The following COLEC12 variants were observed in gnomAD, a reference collection of about 807,000 sequenced individuals.
The protein encoded by COLEC12 is collectin subfamily member 12.
A neutral mutation model predicts 71.1 loss-of-function variants in COLEC12; 33 were observed. The observed-to-expected ratio is 0.46, with a 90% CI of 0.35 to 0.62. The LOEUF (loss-of-function observed/expected upper bound fraction) is 0.62. COLEC12 is among the 20% of genes least tolerant of loss of function. COLEC12 has a pLI of 0.00. For missense variants in COLEC12, 765 were observed against 916.1 expected (o/e 0.84, Z 2.13); for synonymous variants, 350 against 353.0 (o/e 0.99, Z 0.10).
chr18:456,434 T>G (rs1916873309), intron 2 of COLEC12, among the ~76,000 whole-genome samples: 1 of 152,094 alleles, frequency 6.6e-6, no homozygotes, highest in Non-Finnish European at 1.5e-5. Context: ...ATGAGACGCT[T>G]TACACAAGGA....
At chr18:473,385 C>T (rs1291649415) in intron 2 of COLEC12, among the ~76,000 whole-genome samples, 4 of 125,842 alleles carry the variant, frequency 3.2e-5, no homozygotes, top group Non-Finnish European at 5.4e-5. Flanking sequence ...TTTTTTGAAA[C>T]GGAGTTTCGC....
rs1468424003 is a variant in COLEC12, at chr18:480,811, A to C, written c.8-54T>G. 6.7e-7 allele frequency: 1 copy of C among 1,487,466 alleles called. No individual in the cohort carries two copies. The highest frequency in any genetic ancestry group is 1.1e-5 in the South Asian group (1 of 88,556). The allele number at this position is 1,487,466 out of a possible 1,614,324, so 92.1% of individuals were successfully genotyped here. On this transcript the variant is annotated intron_variant, in intron 1 of 9. Coordinates refer to ENST00000400256, the MANE Select transcript of COLEC12 (RefSeq NM_130386.3). This position sits in a 1 kb window ranked among gnomAD's most constrained non-coding sequence, Gnocchi z 4.1. ...ATCCTGGCAAGGGGCACAGAAGCAG[A>C]GGGTGGGGCAGGATGCGACCTGCTT...
intron 8 of COLEC12, among the ~76,000 whole-genome samples, chr18:324,815 C>T (rs1232248283): frequency 4.6e-5 from 7 of 151,860 alleles, no homozygotes; most frequent in Non-Finnish European, 7.4e-5. Flanking sequence ...GGTGACAAAG[C>T]GAGTCTCCAT....
chr18:467,772 G>A (rs548925215), intron 2 of COLEC12, among the ~76,000 whole-genome samples: 74 of 152,130 alleles, frequency 4.9e-4, no homozygotes, highest in Admixed American at 9.8e-4. Flanking sequence ...AGAGTTATAC[G>A]AAAACAACTT....
At chr18:467,511 A>G (rs1423860868) in intron 2 of COLEC12, among the ~76,000 whole-genome samples, 1 of 152,238 alleles carries the variant, frequency 6.6e-6, no homozygotes, top group Non-Finnish European at 1.5e-5. Context: ...TATGTTTTTC[A>G]TTAGCATGAG....
At chr18:352,587 A>G (rs1188649625) in intron 3 of COLEC12, among the ~76,000 whole-genome samples, 1 of 152,220 alleles carries the variant, frequency 6.6e-6, no homozygotes, top group Non-Finnish European at 1.5e-5. Flanking sequence ...ACAAGTGCTA[A>G]TGAACAGTTT....
In COLEC12 at chr18:319,944, CT is replaced by C. The variant is rs1212406089; in HGVS notation, c.*100del. 0.03 allele frequency: 16,632 copies of C among 548,474 alleles called. No homozygotes were observed. The highest frequency in any genetic ancestry group is 0.039 in the East Asian group (947 of 24,306). The allele number at this position is 548,474 out of a possible 1,614,324, so 34.0% of individuals were successfully genotyped here. ...TTTTTTCAGTAATTGGTTTTCAGTG[CT>C]TTTTTTTTTTCAATCTGATGAGAAG... On this transcript the variant is annotated 3_prime_UTR_variant, in exon 10 of 10. Coordinates refer to ENST00000400256, the MANE Select transcript of COLEC12 (RefSeq NM_130386.3).
intron 2 of COLEC12, among the ~76,000 whole-genome samples, chr18:415,468 T>C (rs1212356506): frequency 6.6e-6 from 1 of 152,024 alleles, no homozygotes; most frequent in Admixed American, 6.6e-5. Flanking sequence ...CCTAACTCCT[T>C]ACCACCCTCC....
intron 1 of COLEC12, among the ~76,000 whole-genome samples, chr18:485,667 G>A (rs1917505674): frequency 6.6e-6 from 1 of 152,232 alleles, no homozygotes; most frequent in East Asian, 1.9e-4. Context: ...TTTGGCTGCT[G>A]ATTTATTCTT....
intron 2 of COLEC12, among the ~76,000 whole-genome samples, chr18:465,859 G>A (rs1390446757): frequency 1.3e-5 from 2 of 152,046 alleles, no homozygotes; most frequent in East Asian, 3.9e-4. Flanking sequence ...GATCACTTGA[G>A]GTCAGGAATT....
chr18:481,837 G>C (rs370528710), intron 1 of COLEC12, among the ~76,000 whole-genome samples: 3 of 152,114 alleles, frequency 2.0e-5, no homozygotes, highest in African/African-American at 7.2e-5. Flanking sequence ...GTTCTGCCAG[G>C]TAAAGGTCCA....
At chr18:486,419 G>C (rs1274710762) in intron 1 of COLEC12, among the ~76,000 whole-genome samples, 1 of 152,246 alleles carries the variant, frequency 6.6e-6, no homozygotes. Flanking sequence ...TCCTGGTCTC[G>C]AGTGATCTGC....
At chr18:482,982 C>T (rs77630824) in intron 1 of COLEC12, among the ~76,000 whole-genome samples, 1 of 152,270 alleles carries the variant, frequency 6.6e-6, no homozygotes, top group African/African-American at 2.4e-5. Context: ...TTTCAATCCC[C>T]AAAAGAGACA....
chr18:452,351 A>T (rs1916779139), intron 2 of COLEC12, among the ~76,000 whole-genome samples: 1 of 152,200 alleles, frequency 6.6e-6, no homozygotes, highest in African/African-American at 2.4e-5. Context: ...ATAAAATGGG[A>T]TACTTTCTTA....
At chr18:416,138 C>A (rs8097092) in intron 2 of COLEC12, among the ~76,000 whole-genome samples, 2 of 152,078 alleles carry the variant, frequency 1.3e-5, no homozygotes, top group African/African-American at 2.4e-5. Flanking sequence ...CCAGTTCCTG[C>A]TGTATTAAAG....
intron 2 of COLEC12, among the ~76,000 whole-genome samples, chr18:466,246 C>CA (rs1360705664): frequency 1.3e-5 from 2 of 151,980 alleles, no homozygotes; most frequent in African/African-American, 4.8e-5. Flanking sequence ...TCTCAAAAAA[C>CA]AAAAAACAAA....
intron 6 of COLEC12, chr18:333,981 G>A (rs1914045036): frequency 6.6e-6 from 1 of 152,616 alleles, no homozygotes. Context: ...AGGAGTTCAA[G>A]ACCAGCCTGG....
chr18:484,217 T>A (rs1328953090), intron 1 of COLEC12, among the ~76,000 whole-genome samples: 1 of 152,234 alleles, frequency 6.6e-6, no homozygotes, highest in African/African-American at 2.4e-5. Flanking sequence ...CTCTCCTTCC[T>A]GAAATTTCCC....
At chr18:405,929 G>A (rs539677956) in intron 2 of COLEC12, among the ~76,000 whole-genome samples, 149 of 152,126 alleles carry the variant, frequency 9.8e-4, no homozygotes, top group African/African-American at 3.2e-3. Context: ...CATTCCTGAC[G>A]GTTAAGGACT....
Sources: allele counts gnomAD v4.1 joint callset (sites outside exome capture counted in the v4.1 genomes callset), GRCh38; gene constraint gnomAD v4.1.1; non-coding constraint Gnocchi (gnomAD v3.1); transcripts MANE v1.5; gene names NCBI Gene and HGNC (gene_info 2026-07-23, HGNC 2026-07-21).